The following TRIM9 variants were observed in gnomAD, a reference collection of about 807,000 sequenced individuals.
The protein encoded by TRIM9 is tripartite motif containing 9, also known as E3 ubiquitin-protein ligase TRIM9.
A neutral mutation model predicts 78.3 loss-of-function variants in TRIM9; 26 were observed. The observed-to-expected ratio is 0.33, with a 90% CI of 0.24 to 0.46. The LOEUF is 0.46. Among genes scored for constraint, TRIM9 ranks in the 20% least tolerant of loss-of-function variants. TRIM9 has a pLI of 1.00. For synonymous variants in TRIM9, 398 were observed against 416.5 expected (o/e 0.96, Z 0.54); for missense variants, 787 against 1,036.4 (o/e 0.76, Z 3.30).
intron 1 of TRIM9, among the ~76,000 whole-genome samples, chr14:51,075,685 T>A (rs1248479816): frequency 6.6e-6 from 1 of 152,174 alleles, no homozygotes; most frequent in East Asian, 1.9e-4. Context: ...TCCGAAGGCC[T>A]TGAAATAAAA....
chr14:51,092,917 C>T (rs1462642480), intron 1 of TRIM9, among the ~76,000 whole-genome samples: 4 of 152,170 alleles, frequency 2.6e-5, no homozygotes, highest in African/African-American at 9.6e-5. Context: ...AAGATGATAC[C>T]TGAGCAAAGA....
chr14:51,015,236 G>A (rs2057027767), intron 3 of TRIM9, among the ~76,000 whole-genome samples: 1 of 152,148 alleles, frequency 6.6e-6, no homozygotes, highest in African/African-American at 2.4e-5. Context: ...GAGCAACTCA[G>A]GAGAGAGTAC....
chr14:51,006,519 G>A (rs75662647), intron 5 of TRIM9, among the ~76,000 whole-genome samples: 41 of 152,292 alleles, frequency 2.7e-4, no homozygotes, highest in African/African-American at 9.9e-4. Context: ...GCATCTGACA[G>A]ATGAAAATTA....
intron 1 of TRIM9, among the ~76,000 whole-genome samples, chr14:51,040,621 C>T (rs922503395): frequency 2.6e-5 from 4 of 152,168 alleles, no homozygotes; most frequent in African/African-American, 9.7e-5. Context: ...GTTCAAATGC[C>T]GTAAAGCTTG....
chr14:51,080,480 C>G (rs971616690), intron 1 of TRIM9, among the ~76,000 whole-genome samples: 1 of 135,136 alleles, frequency 7.4e-6, no homozygotes, highest in African/African-American at 2.8e-5. Flanking sequence ...CACACACACA[C>G]GGAGAAACAA....
chr14:51,076,635 T>C (rs961363175), intron 1 of TRIM9, among the ~76,000 whole-genome samples: 5 of 152,248 alleles, frequency 3.3e-5, no homozygotes, highest in Non-Finnish European at 1.5e-5. Flanking sequence ...ATTTAACATG[T>C]GCCAAAAACT....
intron 1 of TRIM9, among the ~76,000 whole-genome samples, chr14:51,078,764 G>T (rs993114752): frequency 6.6e-6 from 1 of 152,280 alleles, no homozygotes; most frequent in East Asian, 1.9e-4. Flanking sequence ...TGAAGGAGAT[G>T]TAAGTCCAAT....
At chr14:51,080,275 A>G (rs1050872166) in intron 1 of TRIM9, among the ~76,000 whole-genome samples, 7 of 152,182 alleles carry the variant, frequency 4.6e-5, no homozygotes, top group Admixed American at 2.0e-4. Flanking sequence ...TTCATGTTAT[A>G]GTATAGACAT....
chr14:51,063,437 T>C (rs1268918039), intron 1 of TRIM9, among the ~76,000 whole-genome samples: 1 of 151,738 alleles, frequency 6.6e-6, no homozygotes, highest in African/African-American at 2.4e-5. Flanking sequence ...TTTGAAGAGA[T>C]GGTAGTAAAA....
rs114922100 is a variant in TRIM9 at position 51,077,205 on chromosome 14, A to G, written c.822+16913T>C. On this transcript the variant is annotated intron_variant, in intron 1 of 12. Transcript: ENST00000684578. ...TTGGCCAACAAGCACTGATTTGTCT[A>G]CAGTGTAATGGCATACATATTCAAC... 2.4e-3 allele frequency among the ~76,000 whole-genome samples: 361 copies of G among 152,234 alleles called. 2 individuals carry two copies. The highest frequency in any genetic ancestry group is 8.2e-3 in the African/African-American group (342 of 41,516).
At chr14:51,052,583 C>T (rs192811299) in intron 1 of TRIM9, among the ~76,000 whole-genome samples, 2 of 152,304 alleles carry the variant, frequency 1.3e-5, no homozygotes, top group African/African-American at 4.8e-5. Context: ...GTCTGTCTGA[C>T]ATTTCATCTT....
chr14:51,088,655 A>G (rs968869533), intron 1 of TRIM9, among the ~76,000 whole-genome samples: 2 of 152,204 alleles, frequency 1.3e-5, no homozygotes, highest in Admixed American at 1.3e-4. Context: ...GGTAAAAAAA[A>G]AAAAAAATCT....
At chr14:51,058,135 C>CA (rs1288426108) in intron 1 of TRIM9, among the ~76,000 whole-genome samples, 2 of 152,134 alleles carry the variant, frequency 1.3e-5, no homozygotes, top group African/African-American at 4.8e-5. Flanking sequence ...AGAAAAGTCC[C>CA]ATGGTAATCT....
chr14:50,994,010 G>A (rs930280874), intron 7 of TRIM9, among the ~76,000 whole-genome samples: 3 of 152,168 alleles, frequency 2.0e-5, no homozygotes, highest in African/African-American at 7.2e-5. Context: ...TATTATCCAT[G>A]GCAAAAGGGA....
chr14:51,040,831 T>C (rs1366783291), intron 1 of TRIM9, among the ~76,000 whole-genome samples: 1 of 152,214 alleles, frequency 6.6e-6, no homozygotes, highest in Non-Finnish European at 1.5e-5. Flanking sequence ...GACCCTTAAC[T>C]CTTCCGCTTA....
At chr14:51,040,965 T>C (rs1005378573) in intron 1 of TRIM9, among the ~76,000 whole-genome samples, 2 of 152,242 alleles carry the variant, frequency 1.3e-5, no homozygotes, top group Admixed American at 6.5e-5. Flanking sequence ...ATTTAGGTTT[T>C]TTCATACCTA....
At chr14:51,002,368 T>C (rs1468147150) in intron 5 of TRIM9, among the ~76,000 whole-genome samples, 25 of 151,978 alleles carry the variant, frequency 1.6e-4, no homozygotes, top group Admixed American at 1.6e-3. Flanking sequence ...TCTACTGACC[T>C]CATGATCCAC....
intron 1 of TRIM9, among the ~76,000 whole-genome samples, chr14:51,025,712 A>G (rs947958807): frequency 1.3e-5 from 2 of 152,132 alleles, no homozygotes. Context: ...GAGTCAGATG[A>G]TCTAATTCTT....
intron 1 of TRIM9, among the ~76,000 whole-genome samples, chr14:51,025,665 A>G (rs1162130715): frequency 1.3e-5 from 2 of 152,216 alleles, no homozygotes; most frequent in Admixed American, 1.3e-4. Context: ...TATTGAATAC[A>G]TATTTGCTAA....
Sources: allele counts gnomAD v4.1 joint callset (sites outside exome capture counted in the v4.1 genomes callset), GRCh38; gene constraint gnomAD v4.1.1; transcripts MANE v1.5; gene names NCBI Gene and HGNC (gene_info 2026-07-23, HGNC 2026-07-21).